Variants in PIP5K1B observed in about 807,000 individuals in gnomAD.
PIP5K1B encodes the protein phosphatidylinositol-4-phosphate 5-kinase type 1 beta.
Under a neutral mutation model 67.0 loss-of-function variants are expected in PIP5K1B, and 42 were observed. The observed-to-expected ratio is 0.63, with a 90% CI of 0.49 to 0.81. The LOEUF (loss-of-function observed/expected upper bound fraction) is 0.81. Among genes scored for constraint, PIP5K1B ranks in the 30% least tolerant of loss-of-function variants. The pLI is 0.00. For synonymous variants in PIP5K1B, 214 were observed against 231.4 expected, an observed-to-expected ratio of 0.92 and a Z score of 0.68; for missense variants, 459 against 646.3, an observed-to-expected ratio of 0.71 and a Z score of 3.14.
At chr9:68,823,296 A>G (rs1412597960) in intron 4 of PIP5K1B, among the ~76,000 whole-genome samples, 1 of 152,188 alleles carries the variant, frequency 6.6e-6, no homozygotes, top group Non-Finnish European at 1.5e-5. Flanking sequence ...ATAATATAGA[A>G]TATTGAGTGA....
At chr9:68,864,471 G>A (rs890343093) in intron 5 of PIP5K1B, among the ~76,000 whole-genome samples, 1 of 152,182 alleles carries the variant, frequency 6.6e-6, no homozygotes, top group African/African-American at 2.4e-5. Flanking sequence ...TAATCCTGCT[G>A]TTTGCAAAAA....
chr9:68,866,428 C>T (rs565087024), intron 5 of PIP5K1B, among the ~76,000 whole-genome samples: 83 of 151,374 alleles, frequency 5.5e-4, no homozygotes, highest in African/African-American at 1.5e-3. Context: ...TATACATATA[C>T]ACTCATATAA....
At chr9:68,754,459 ACG>A (rs1564110075) in intron 2 of PIP5K1B, among the ~76,000 whole-genome samples, 1 of 151,936 alleles carries the variant, frequency 6.6e-6, no homozygotes, top group Non-Finnish European at 1.5e-5. Context: ...GTGAGCCACC[ACG>A]CCCGGCCGGT....
chr9:68,860,046 G>A (rs1334217100), intron 4 of PIP5K1B, among the ~76,000 whole-genome samples: 1 of 151,926 alleles, frequency 6.6e-6, no homozygotes, highest in Admixed American at 6.6e-5. Flanking sequence ...GTTATTTTTT[G>A]TGATGAGAAC....
chr9:68,762,494 C>G (rs1394798327), intron 2 of PIP5K1B, among the ~76,000 whole-genome samples: 1 of 152,076 alleles, frequency 6.6e-6, no homozygotes, highest in African/African-American at 2.4e-5. Context: ...AATGCCACAT[C>G]TATTTGCAGA....
chr9:68,894,237 C>T, intron 7 of PIP5K1B, 102 bp from the exon 8 acceptor site: 1 of 757,366 alleles, frequency 1.3e-6, no homozygotes, highest in Non-Finnish European at 2.2e-6. Flanking sequence ...TAATCACATC[C>T]CATTTTTAAT....
chr9:68,887,537 A>G (rs1824540138), intron 6 of PIP5K1B, among the ~76,000 whole-genome samples: 1 of 152,248 alleles, frequency 6.6e-6, no homozygotes, highest in African/African-American at 2.4e-5. Flanking sequence ...TTTAGATCTC[A>G]CAAATAAGTG....
chr9:68,790,011 T>G (rs1235179940), intron 2 of PIP5K1B, among the ~76,000 whole-genome samples: 1 of 152,220 alleles, frequency 6.6e-6, no homozygotes, highest in Non-Finnish European at 1.5e-5. Flanking sequence ...TACAGTATCT[T>G]TGGTTGTTCC....
At chr9:68,875,700 C>G (rs1823858794) in intron 5 of PIP5K1B, among the ~76,000 whole-genome samples, 1 of 152,164 alleles carries the variant, frequency 6.6e-6, no homozygotes, top group Non-Finnish European at 1.5e-5. Flanking sequence ...CTTGCATAGG[C>G]TCTCAATGTC....
intron 14 of PIP5K1B, among the ~76,000 whole-genome samples, chr9:68,942,047 T>C (rs73647033): frequency 0.029 from 4,347 of 152,332 alleles, 201 homozygotes; most frequent in African/African-American, 0.097. Context: ...TTAAAAATTA[T>C]TTAACTCATC....
At chr9:68,816,912 A>G (rs1394338788) in intron 2 of PIP5K1B, among the ~76,000 whole-genome samples, 1 of 152,268 alleles carries the variant, frequency 6.6e-6, no homozygotes. Context: ...TTTATAATCC[A>G]TAAAGGAAAA....
intron 9 of PIP5K1B, among the ~76,000 whole-genome samples, chr9:68,918,727 ATTTCATT>A (rs1215566883): frequency 6.6e-6 from 1 of 152,206 alleles, no homozygotes; most frequent in Non-Finnish European, 1.5e-5. Context: ...CCATGGGCAT[ATTTCATT>A]TTTGTAAAGG....
At chr9:68,845,754 A>G (rs967737706) in intron 4 of PIP5K1B, among the ~76,000 whole-genome samples, 36 of 152,244 alleles carry the variant, frequency 2.4e-4, no homozygotes, top group African/African-American at 8.2e-4. Flanking sequence ...CTTGACTACA[A>G]TGTAATCCTA....
intron 1 of PIP5K1B, among the ~76,000 whole-genome samples, chr9:68,739,194 T>A (rs1043786048): frequency 1.3e-5 from 2 of 152,264 alleles, no homozygotes; most frequent in Non-Finnish European, 2.9e-5. Flanking sequence ...TATCTTCACA[T>A]TATCATTTGT....
intron 4 of PIP5K1B, among the ~76,000 whole-genome samples, chr9:68,846,950 A>G (rs769691655): frequency 6.6e-6 from 1 of 152,210 alleles, no homozygotes; most frequent in African/African-American, 2.4e-5. Context: ...TTATATATCA[A>G]GAAAAAAACT....
chr9:68,799,906 T>C (rs1832507340), intron 2 of PIP5K1B, among the ~76,000 whole-genome samples: 1 of 151,788 alleles, frequency 6.6e-6, no homozygotes, highest in African/African-American at 2.4e-5. Context: ...AATATCAAAC[T>C]CAAGAGCAAA....
At chr9:68,955,306 T>G (rs1391256435) in intron 14 of PIP5K1B, among the ~76,000 whole-genome samples, 5 of 152,368 alleles carry the variant, frequency 3.3e-5, no homozygotes, top group Admixed American at 2.0e-4. Context: ...TTCAGGAAGA[T>G]GTACATTGAT....
intron 2 of PIP5K1B, among the ~76,000 whole-genome samples, chr9:68,754,231 G>A (rs1268071304): frequency 5.4e-5 from 7 of 130,646 alleles, no homozygotes; most frequent in Non-Finnish European, 1.1e-4. Context: ...GTACAGTGGC[G>A]CGATCTTGGC....
intron 11 of PIP5K1B, among the ~76,000 whole-genome samples, chr9:68,921,034 C>A (rs4333678): frequency 0.95 from 144,712 of 152,268 alleles, 69,178 homozygotes; most frequent in Non-Finnish European, 1. Flanking sequence ...GGAAAGGAGC[C>A]CATAATTTCT....
Sources: gnomAD v4.1 joint callset for allele counts (sites outside exome capture counted in the v4.1 genomes callset) on GRCh38, gnomAD v4.1.1 for gene constraint, MANE v1.5 for transcripts, NCBI Gene and HGNC (gene_info 2026-07-23, HGNC 2026-07-21) for gene names.